The following BCL7C variants were observed in gnomAD, a reference collection of about 807,000 sequenced individuals.
BCL7C encodes the protein B-cell CLL/lymphoma 7 protein family member C.
In BCL7C, 8 loss-of-function variants were observed where a neutral mutation model predicts 26.2. That is an observed-to-expected ratio of 0.30 (90% CI 0.18 to 0.55). BCL7C has a LOEUF of 0.55. BCL7C is among the 20% of genes least tolerant of loss of function. The pLI, the probability that BCL7C is intolerant of heterozygous loss-of-function variation, is 0.93. For missense variants in BCL7C, 262 were observed against 298.5 expected (o/e 0.88, Z 0.90); for synonymous variants, 90 against 116.5 (o/e 0.77, Z 1.47).
intron 5 of BCL7C, among the ~76,000 whole-genome samples, chr16:30,848,382 T>C (rs959309172): frequency 1.3e-5 from 2 of 152,148 alleles, no homozygotes; most frequent in African/African-American, 4.8e-5. Context: ...AGGTGGGCCC[T>C]CTGATCTTGG....
chr16:30,873,952 T>TACACAC (rs1349262274), intron 5 of BCL7C, among the ~76,000 whole-genome samples: 83 of 7,326 alleles, frequency 0.011, no homozygotes, highest in Non-Finnish European at 0.024. Flanking sequence ...TAGATATATG[T>TACACAC]ATACACACAC....
chr16:30,846,793 G>A (rs1243286647), intron 5 of BCL7C, among the ~76,000 whole-genome samples: 1 of 152,222 alleles, frequency 6.6e-6, no homozygotes, highest in Non-Finnish European at 1.5e-5. Flanking sequence ...CTGGGCTTGA[G>A]CTCCCTGCTG....
intron 5 of BCL7C, among the ~76,000 whole-genome samples, chr16:30,844,410 C>T (rs2054622251): frequency 7.0e-6 from 1 of 141,886 alleles, no homozygotes; most frequent in Non-Finnish European, 1.5e-5. Flanking sequence ...CTTACAAATA[C>T]TAATTTGCTC....
At chr16:30,846,959 A>G (rs910268380) in intron 5 of BCL7C, among the ~76,000 whole-genome samples, 5 of 152,210 alleles carry the variant, frequency 3.3e-5, no homozygotes, top group African/African-American at 9.6e-5. Flanking sequence ...GACAGCAGTA[A>G]TGACCAAGGA....
rs1233387157 is a variant in BCL7C, at chr16:30,887,996, G to C, written c.529-6C>G. 4 of 1,603,326 alleles carry C rather than the reference G, an allele frequency of 2.5e-6. No homozygotes were observed. The highest frequency in any genetic ancestry group is 3.4e-6 in the Non-Finnish European group (4 of 1,175,558). On this transcript the variant is annotated splice_region_variant and splice_polypyrimidine_tract_variant and intron_variant, in intron 5 of 5. Coordinates refer to ENST00000215115, the MANE Select transcript of BCL7C (RefSeq NM_004765.4). The stretch of plus-strand genomic sequence containing the variant: ...ACAGGGTAAGCTTCGGGGGCCTGGA[G>C]AGGAAGGGTGGACAGGCGTGAGCTC...
intron 5 of BCL7C, chr16:30,851,719 AC>A: frequency 2.9e-6 from 2 of 693,472 alleles, no homozygotes; most frequent in Non-Finnish European, 2.4e-6. Context: ...AGTGGATCAG[AC>A]CAGCAGCAGA....
chr16:30,841,287 C>T (rs1596809775), intron 5 of BCL7C, among the ~76,000 whole-genome samples: 1 of 152,122 alleles, frequency 6.6e-6, no homozygotes, highest in Non-Finnish European at 1.5e-5. Context: ...TGAAGAGGTC[C>T]TGATACCTCA....
intron 5 of BCL7C, among the ~76,000 whole-genome samples, chr16:30,853,645 G>A (rs950214371): frequency 6.6e-6 from 1 of 152,180 alleles, no homozygotes; most frequent in South Asian, 2.1e-4. Context: ...TGTTTTCAAC[G>A]TTTTAAGGAG....
intron 5 of BCL7C, among the ~76,000 whole-genome samples, chr16:30,888,367 C>T (rs1027747052): frequency 1.5e-4 from 23 of 152,092 alleles, no homozygotes; most frequent in African/African-American, 5.3e-4. Context: ...GAAGGAGTCT[C>T]GCTCTGTCAC....
rs1245249087 is a variant in BCL7C at position 30,893,861 on chromosome 16, G to A, written c.84C>T (p.Val28=). 1.2e-6 allele frequency: 2 copies of A among 1,602,122 alleles called. No homozygotes were observed. The highest frequency in any genetic ancestry group is 3.3e-5 in the Admixed American group (2 of 59,968). ...CCCCGAGCAGCGCTCACCATCTCCG[G>A]ACCTTCTCGATGGTCGCCATCACCT... is the stretch of plus-strand genomic sequence containing the variant. ...IKKVMATIEK[V]RRWEKRWVTV... is the part of the protein sequence containing the mutation. Residue 28 remains valine (V), a synonymous_variant, in exon 1 of 6, where the codon GTC becomes GTT. Coordinates refer to ENST00000215115, the MANE Select transcript of BCL7C (RefSeq NM_004765.4). This position sits in a 1 kb window ranked among gnomAD's most constrained non-coding sequence, Gnocchi z 5.2.
rs1217148392 is a variant in BCL7C, at chr16:30,834,992, C to A, written c.685G>T (p.Ala229Ser). 2 of 1,548,062 alleles carry A rather than the reference C, an allele frequency of 1.3e-6. No homozygotes were observed. The highest frequency in any genetic ancestry group is 2.1e-4 in the Middle Eastern group (1 of 4,722). ...GGGATTGTTCTGGGTGCCCTCGGGG[C>A]CTTGCTGCCTCCCCCGGGAGCTCTG... The change falls in exon 6 of 6, where the codon GCC becomes TCC. Residue 229 changes from alanine (A) to serine (S), a missense_variant. Coordinates refer to the BCL7C transcript ENST00000380317. This position sits in a 1 kb window ranked among gnomAD's most constrained non-coding sequence, Gnocchi z 4.3.
At chr16:30,849,979 GT>G (rs1447428437) in intron 5 of BCL7C, among the ~76,000 whole-genome samples, 4 of 151,796 alleles carry the variant, frequency 2.6e-5, no homozygotes, top group African/African-American at 9.7e-5. Context: ...GGAGGCCAAG[GT>G]GGGCAGATCA....
chr16:30,888,031 C>T (rs781230613), intron 5 of BCL7C, 41 bp from the exon 6 acceptor site: 2 of 1,572,552 alleles, frequency 1.3e-6, no homozygotes, highest in Non-Finnish European at 8.6e-7. Flanking sequence ...CCACAGAACC[C>T]AGGCGTCCAG....
intron 5 of BCL7C, chr16:30,852,095 T>C (rs1007659841): frequency 6.4e-6 from 1 of 156,742 alleles, no homozygotes; most frequent in Non-Finnish European, 1.4e-5. Flanking sequence ...GAGCTTTCAG[T>C]TGGTCATTGT....
At chr16:30,878,133 C>T (rs923972651) in intron 5 of BCL7C, among the ~76,000 whole-genome samples, 3 of 151,622 alleles carry the variant, frequency 2.0e-5, no homozygotes, top group Non-Finnish European at 4.4e-5. Context: ...CAAGATCATG[C>T]CACTGCACTG....
chr16:30,857,127 G>A (rs147447955), intron 5 of BCL7C, among the ~76,000 whole-genome samples: 2,016 of 152,268 alleles, frequency 0.013, 53 homozygotes, highest in African/African-American at 0.046. Context: ...GGTGGCTTAT[G>A]CCTGTAATCC....
chr16:30,868,834 A>G (rs906272833), intron 5 of BCL7C, among the ~76,000 whole-genome samples: 3 of 152,084 alleles, frequency 2.0e-5, no homozygotes, highest in Non-Finnish European at 2.9e-5. Context: ...AACAGAACGG[A>G]AAAGAAAAAT....
At chr16:30,850,209 C>CAAAAAAAAA (rs778231654) in intron 5 of BCL7C, among the ~76,000 whole-genome samples, 6 of 86,560 alleles carry the variant, frequency 6.9e-5, no homozygotes, top group Non-Finnish European at 9.3e-5. Context: ...GACTCCATCT[C>CAAAAAAAAA]AAAAAAAAAA....
intron 4 of BCL7C, among the ~76,000 whole-genome samples, chr16:30,891,422 G>A (rs960191371): frequency 3.9e-5 from 6 of 151,986 alleles, no homozygotes; most frequent in Non-Finnish European, 7.4e-5. Flanking sequence ...AGATTGTGCC[G>A]TCGCACTCCA....
Sources: gnomAD v4.1 joint callset for allele counts (sites outside exome capture counted in the v4.1 genomes callset) on GRCh38, gnomAD v4.1.1 for gene constraint, Gnocchi (gnomAD v3.1) non-coding constraint, MANE v1.5 for transcripts, NCBI Gene and HGNC (gene_info 2026-07-23, HGNC 2026-07-21) for gene names.